TYW1B: variants seen among roughly 807,000 people sequenced by gnomAD.
The protein encoded by TYW1B is tRNA-yW synthesizing protein 1 homolog B.
TYW1B carries 73 observed loss-of-function variants against 86.9 expected under a neutral mutation model. The ratio of observed to expected loss-of-function variants is 0.84; its 90% CI spans 0.70 to 1.02. The LOEUF (loss-of-function observed/expected upper bound fraction) is 1.02, where lower values mean the gene tolerates loss of function less well. TYW1B is among the 50% of genes least tolerant of loss of function. The pLI, the probability that TYW1B is intolerant of heterozygous loss-of-function variation, is 0.00. For missense variants in TYW1B, 637 were observed against 827.4 expected (o/e 0.77, Z 2.82); for synonymous variants, 248 against 292.8 (o/e 0.85, Z 1.56).
chr7:72,815,614 T>C (rs182089611), intron 2 of TYW1B, 133 bp from the exon 3 acceptor site: 12 of 713,850 alleles, frequency 1.7e-5, no homozygotes, highest in East Asian at 8.4e-5. Context: ...ACCCAAATTC[T>C]ATCCGCACTC....
intron 8 of TYW1B, among the ~76,000 whole-genome samples, chr7:72,737,340 T>C (rs1325682506): frequency 1.3e-5 from 2 of 152,236 alleles, no homozygotes; most frequent in Non-Finnish European, 2.9e-5. Context: ...AATATCTCCA[T>C]TTAATTAGAC....
At chr7:72,662,567 C>A (rs1217886687) in intron 11 of TYW1B, among the ~76,000 whole-genome samples, 1 of 152,132 alleles carries the variant, frequency 6.6e-6, no homozygotes, top group Non-Finnish European at 1.5e-5. Flanking sequence ...CTAACAAACT[C>A]TAAGAGCTGC....
intron 7 of TYW1B, among the ~76,000 whole-genome samples, chr7:72,748,221 A>G (rs1186131341): frequency 1.3e-5 from 2 of 152,116 alleles, no homozygotes; most frequent in Non-Finnish European, 2.9e-5. Flanking sequence ...GTGAGCCGAG[A>G]TGGCGCCACT....
At chr7:72,753,771 G>A (rs782340155) in intron 7 of TYW1B, among the ~76,000 whole-genome samples, 1 of 152,008 alleles carries the variant, frequency 6.6e-6, no homozygotes, top group Non-Finnish European at 1.5e-5. Context: ...GAGCCACTGC[G>A]TCCGGCCCAA....
intron 12 of TYW1B, among the ~76,000 whole-genome samples, chr7:72,622,253 G>A (rs535662030): frequency 2.0e-5 from 3 of 152,186 alleles, no homozygotes; most frequent in African/African-American, 7.2e-5. Context: ...AATTTACAAG[G>A]AATATAGCAG....
rs561105932 is a variant in TYW1B, at chr7:72,717,354, C to A, written c.1193-3556G>T. On this transcript the variant is annotated intron_variant, in intron 9 of 13. Transcript: ENST00000620995. ...TATACAGCATTTTCACTTAGTACCT[C>A]CCCCACCAGCAATCTCCACCAGGCA... Among the ~76,000 whole-genome samples the A allele has an allele frequency of 3.8e-4, 57 of 151,998 alleles. No individual in the cohort carries two copies. The South Asian group carries it at 0.012, about 31-fold the overall frequency.
intron 10 of TYW1B, 102 bp downstream of exon 10, chr7:72,713,519 A>C (rs1416172387): frequency 2.5e-6 from 3 of 1,188,744 alleles, no homozygotes; most frequent in African/African-American, 3.1e-5. Flanking sequence ...GTATGTAGTA[A>C]GTAATCAATA....
chr7:72,698,958 AC>A, intron 10 of TYW1B, among the ~76,000 whole-genome samples: 1 of 152,202 alleles, frequency 6.6e-6, no homozygotes, highest in Admixed American at 6.5e-5. Context: ...ACTTCATTCA[AC>A]ATTTATTCAG....
At chr7:72,709,484 G>T (rs373392852) in intron 10 of TYW1B, among the ~76,000 whole-genome samples, 2 of 147,256 alleles carry the variant, frequency 1.4e-5, no homozygotes, top group Non-Finnish European at 1.5e-5. Flanking sequence ...CTGCTAACAC[G>T]GTGAAACCCC....
At chr7:72,623,461 G>T (rs1276637810) in intron 12 of TYW1B, among the ~76,000 whole-genome samples, 1 of 152,080 alleles carries the variant, frequency 6.6e-6, no homozygotes, top group Non-Finnish European at 1.5e-5. Context: ...CCAAGCGCAC[G>T]GGTACAGAAC....
At chr7:72,817,311 G>A (rs1788742236) in intron 2 of TYW1B, among the ~76,000 whole-genome samples, 1 of 152,104 alleles carries the variant, frequency 6.6e-6, no homozygotes, top group South Asian at 2.1e-4. Context: ...GGGAGGCTGA[G>A]GGAGGAGAAC....
intron 5 of TYW1B, among the ~76,000 whole-genome samples, 152 bp from the exon 6 acceptor site, chr7:72,802,674 G>A (rs142992454): frequency 5.3e-5 from 8 of 151,798 alleles, no homozygotes; most frequent in South Asian, 2.1e-4. Context: ...AGGCTGGAGC[G>A]CAGTGGCGTC....
intron 13 of TYW1B, among the ~76,000 whole-genome samples, chr7:72,592,855 A>G (rs1365404801): frequency 3.9e-5 from 6 of 152,250 alleles, no homozygotes; most frequent in African/African-American, 1.2e-4. Context: ...TAACTATTAT[A>G]AACATTTAGG....
At chr7:72,588,224 T>A (rs370860008) in intron 13 of TYW1B, among the ~76,000 whole-genome samples, 1 of 152,264 alleles carries the variant, frequency 6.6e-6, no homozygotes, top group African/African-American at 2.4e-5. Context: ...CATAGCCAAG[T>A]GCAATTCTAA....
At chr7:72,726,358 C>T (rs1372293656) in intron 9 of TYW1B, among the ~76,000 whole-genome samples, 1 of 151,096 alleles carries the variant, frequency 6.6e-6, no homozygotes, top group Non-Finnish European at 1.5e-5. Context: ...TAATTATTGA[C>T]TAATTTTTTT....
chr7:72,632,399 TAATATATATATACATATATATATAA>T (rs1563038755), intron 11 of TYW1B, among the ~76,000 whole-genome samples: 25 of 94,474 alleles, frequency 2.6e-4, no homozygotes, highest in Admixed American at 1.0e-3. Flanking sequence ...TATATATATA[TAATATATATATACATATATATATAA>T]AATATATATA....
intron 11 of TYW1B, among the ~76,000 whole-genome samples, chr7:72,635,630 T>C (rs1311607353): frequency 4.6e-5 from 7 of 152,232 alleles, no homozygotes; most frequent in Admixed American, 1.3e-4. Flanking sequence ...ATGGTGGCCA[T>C]TCTTGGCCCT....
chr7:72,728,830 T>A lies in TYW1B; in HGVS notation c.1184A>T (p.Gln395Leu). Reference protein sequence around the residue: ...AIENHQNMIKQFKGVPGVKAE... With the variant: ...AIENHQNMIKLFKGVPGVKAE... ...AGAGGGAAGATAAATACCTTTAAAC[T>A]GCTTAATCATGTTCTGATGGTTTTC... Residue 395 changes from glutamine to leucine, a missense_variant, in exon 9 of 14, where the codon CAG (glutamine) becomes CTG (leucine). Transcript: ENST00000620995. 1 of 1,613,264 alleles carries A rather than the reference T, an allele frequency of 6.2e-7. No individual in the cohort carries two copies. The highest frequency in any genetic ancestry group is 8.5e-7 in the Non-Finnish European group (1 of 1,179,600).
chr7:72,716,511 G>C (rs1554456076), intron 9 of TYW1B, among the ~76,000 whole-genome samples: 4 of 152,208 alleles, frequency 2.6e-5, no homozygotes, highest in African/African-American at 9.6e-5. Flanking sequence ...TTTTCAGAAA[G>C]TGATTTTATT....
Sources: allele counts gnomAD v4.1 joint callset (sites outside exome capture counted in the v4.1 genomes callset), GRCh38; gene constraint gnomAD v4.1.1; transcripts MANE v1.5; gene names NCBI Gene and HGNC (gene_info 2026-07-23, HGNC 2026-07-21).